The following ZNF311 variants were observed in gnomAD, a reference collection of about 807,000 sequenced individuals.
The protein encoded by ZNF311 is zinc finger protein zfp31.
In ZNF311, 14 loss-of-function variants were observed where a neutral mutation model predicts 22.7. The ratio of observed to expected loss-of-function variants is 0.62; its 90% CI spans 0.41 to 0.96. The LOEUF (loss-of-function observed/expected upper bound fraction) is 0.96, where lower values mean the gene tolerates loss of function less well. ZNF311 is among the 40% of genes least tolerant of loss of function. The probability of loss-of-function intolerance (pLI) is 0.00; values close to 1 mark genes in which losing one functional copy is unlikely to be tolerated. For missense variants in ZNF311, 731 were observed against 799.0 expected (o/e 0.91, Z 1.03); for synonymous variants, 250 against 275.3 (o/e 0.91, Z 0.91).
intron 6 of ZNF311, 114 bp from the exon 7 acceptor site, chr6:28,996,700 A>T: frequency 8.3e-7 from 1 of 1,201,126 alleles, no homozygotes; most frequent in Non-Finnish European, 1.1e-6. Context: ...AAAAATTACT[A>T]ACGTTGTGGC....
chr6:29,000,673 G>A lies in ZNF311; in HGVS notation c.92-626C>T, dbSNP rs137892898. On this transcript the variant is annotated intron_variant, in intron 3 of 6. Transcript: ENST00000377179. ...CCTAGTACTGAGTTATCCTCCCTAT[G>A]TCAATATAGTATAGCACACAGAGCA... Among the ~76,000 whole-genome samples, 131 of 152,064 alleles carry A rather than the reference G, an allele frequency of 8.6e-4. No individual in the cohort carries two copies. In the South Asian group the frequency reaches 9.3e-3, roughly 11 times the overall value.
Position 28,996,357 on chromosome 6 carries a change from G to C in ZNF311, c.645C>G (p.Cys215Trp). 6.2e-7 allele frequency: 1 copy of C among 1,611,726 alleles called. No individual in the cohort carries two copies. Among genetic ancestry groups the C allele is most frequent in the Non-Finnish European group, 8.5e-7 (1 of 1,179,880 alleles). Residue 215 changes from cysteine (C) to tryptophan (W), a missense_variant, in exon 7 of 7, where the codon TGC becomes TGG. Coordinates refer to ENST00000377179, the MANE Select transcript of ZNF311 (RefSeq NM_001382360.1). ...GCACTTTCTGGTTCTTTCCTTTTTT[G>C]CAGGTCACTTCCTCAGAGCCTTCTT... ...EEKEGSEEVT[C>W]KKGKNQKVLS... is the part of the protein sequence containing the mutation.
chr6:28,996,703 G>T (rs1234213454), intron 6 of ZNF311, 117 bp from the exon 7 acceptor site: 3 of 1,144,986 alleles, frequency 2.6e-6, no homozygotes, highest in Non-Finnish European at 3.6e-6. Flanking sequence ...AATTACTAAC[G>T]TTGTGGCCAA....
In ZNF311 at chr6:28,995,584, C is replaced by T. The variant is rs1779389115; in HGVS notation, c.1418G>A (p.Cys473Tyr). 6.2e-7 allele frequency: 1 copy of T among 1,613,748 alleles called. No homozygotes were observed. The highest frequency in any genetic ancestry group is 8.5e-7 in the Non-Finnish European group (1 of 1,180,034). Reference protein sequence around the residue: ...RIHTEEKRYRCEECGKAFRHN... With the variant: ...RIHTEEKRYRYEECGKAFRHN... ...ACGAAAGGCTTTCCCACACTCCTCA[C>T]ACCTGTAACGTTTCTCTTCAGTGTG... Residue 473 changes from cysteine (C) to tyrosine (Y), a missense_variant, in exon 7 of 7, where the codon TGT (cysteine) becomes TAT (tyrosine). By Grantham distance (194) the Cys-to-Tyr change is radical. Transcript: ENST00000377179. The surrounding 1 kb of genome is among the most constrained non-coding windows in gnomAD (Gnocchi z 4.7).
rs1435184581 is a variant in ZNF311 at position 28,998,857 on chromosome 6, TAA to T, written c.311-21_311-20del. On this transcript the variant is annotated intron_variant, in intron 5 of 6. Transcript: ENST00000377179. ...GGAAATCCTGGTTGCAGAGAAGAAA[TAA>T]GTGTGTAGAGTAACTTATAACTTAA... 5.7e-6 allele frequency: 9 copies of T among 1,574,562 alleles called. No individual in the cohort carries two copies. The African/African-American group carries it at 8.1e-5, about 14-fold the overall frequency.
At chr6:29,002,638 T>A (rs1459465769) in intron 3 of ZNF311, among the ~76,000 whole-genome samples, 1 of 151,498 alleles carries the variant, frequency 6.6e-6, no homozygotes, top group Non-Finnish European at 1.5e-5. Context: ...TTTTTTTTTT[T>A]TAGACAGAGT....
At position 28,996,155 on chromosome 6, in the gene ZNF311, C is replaced by T. The variant is rs756884037; in HGVS notation, c.847G>A (p.Ala283Thr). 1.9e-6 allele frequency: 3 copies of T among 1,613,522 alleles called. No homozygotes were observed. The highest frequency in any genetic ancestry group is 1.7e-6 in the Non-Finnish European group (2 of 1,180,042). Residue 283 changes from alanine (A) to threonine (T), a missense_variant, in exon 7 of 7, where the codon GCA (alanine) becomes ACA (threonine). By Grantham distance (58) the Ala-to-Thr change is moderately conservative. Coordinates refer to ENST00000377179, the MANE Select transcript of ZNF311 (RefSeq NM_001382360.1). The stretch of plus-strand genomic sequence containing the variant: ...GAAAGCTGATTTCTGGTCTTGAATG[C>T]TTTCCCACACTCATTACACACATGG... Reference protein sequence around the residue: ...KPHVCNECGKAFKTRNQLSMH... With the variant: ...KPHVCNECGKTFKTRNQLSMH...
intron 3 of ZNF311, 90 bp downstream of exon 3, chr6:29,003,423 G>T: frequency 1.7e-6 from 2 of 1,143,310 alleles, no homozygotes; most frequent in Non-Finnish European, 2.6e-6. Context: ...ACAGATTTTT[G>T]GGCCCCAGTG....
At chr6:28,998,380 T>C (rs1468454101) in intron 6 of ZNF311, among the ~76,000 whole-genome samples, 1 of 151,892 alleles carries the variant, frequency 6.6e-6, no homozygotes, top group African/African-American at 2.4e-5. Context: ...TTAGTAGAGA[T>C]GGGGTTTCAC....
At chr6:29,001,286 T>C (rs1044187885) in intron 3 of ZNF311, among the ~76,000 whole-genome samples, 5 of 152,234 alleles carry the variant, frequency 3.3e-5, no homozygotes, top group Non-Finnish European at 7.3e-5. Context: ...AATCACCCTT[T>C]GGATTTAGAC....
chr6:29,002,771 A>C (rs910965532), intron 3 of ZNF311, among the ~76,000 whole-genome samples: 2 of 151,866 alleles, frequency 1.3e-5, no homozygotes, highest in African/African-American at 4.8e-5. Flanking sequence ...CAGGTGCATT[A>C]CACCACACCT....
rs562824157 is a variant in ZNF311 at position 29,002,910 on chromosome 6, C to T, written c.91+603G>A. Among the ~76,000 whole-genome samples, 35 of 152,208 alleles carry T rather than the reference C, an allele frequency of 2.3e-4. No homozygotes were observed. In the South Asian group the frequency reaches 6.4e-3, roughly 28 times the overall value. On this transcript the variant is annotated intron_variant, in intron 3 of 6. Transcript: ENST00000377179. Reference sequence around the variant, plus strand: ...TGCTAGGATTACAGGCATAAGTCACCGCACCCGGCCTACCATCAGCTTTTA... The same window carrying T: ...TGCTAGGATTACAGGCATAAGTCACTGCACCCGGCCTACCATCAGCTTTTA...
rs747133160 is a variant in ZNF311, at chr6:28,999,241, C to T, written c.310+246G>A. ...ATGAGAGGCTTGAGGAAGCAAGAAC[C>T]CAGGGAAAACAGAAGGTAAATGTCT... is the stretch of plus-strand genomic sequence containing the variant. On this transcript the variant is annotated intron_variant, in intron 5 of 6. Coordinates refer to ENST00000377179, the MANE Select transcript of ZNF311 (RefSeq NM_001382360.1). Among the ~76,000 whole-genome samples the T allele has an allele frequency of 2.1e-4, 32 of 151,912 alleles. 1 individual carries two copies. Among genetic ancestry groups the T allele is most frequent in the Middle Eastern group, 3.4e-3 (1 of 294 alleles).
rs762331387 is a variant in ZNF311, at chr6:28,999,507, T to A, written c.290A>T (p.Tyr97Phe). The change falls in exon 5 of 7, where the codon TAT (tyrosine) becomes TTT (phenylalanine). Residue 97 changes from tyrosine (Y) to phenylalanine (F), a missense_variant. Coordinates refer to ENST00000377179, the MANE Select transcript of ZNF311 (RefSeq NM_001382360.1). ...CTTACCAAGTGATACCATGTTCCCA[T>A]AATTTTCCAACATCACATCCTTATA... ...HLYKDVMLEN[Y>F]GNMVSLGFPF... 1.2e-5 allele frequency: 20 copies of A among 1,611,060 alleles called. No individual in the cohort carries two copies. The highest frequency in any genetic ancestry group is 1.7e-5 in the Non-Finnish European group (20 of 1,179,200).
chr6:29,003,900 C>T, intron 2 of ZNF311, 46 bp downstream of exon 2: 1 of 1,612,836 alleles, frequency 6.2e-7, no homozygotes, highest in African/African-American at 1.3e-5. Context: ...GGACTCACTT[C>T]TCCTTCTTCC....
rs1444213928 is a variant in ZNF311 at position 28,995,878 on chromosome 6, G to A, written c.1124C>T (p.Thr375Ile). 1.9e-6 allele frequency: 3 copies of A among 1,613,954 alleles called. No homozygotes were observed. The highest frequency in any genetic ancestry group is 2.5e-6 in the Non-Finnish European group (3 of 1,180,022). The change falls in exon 7 of 7, where the codon ACC becomes ATC. Residue 375 changes from threonine to isoleucine, a missense_variant. Thr to Ile is a moderately conservative substitution (Grantham distance 89, BLOSUM62 -1). Coordinates refer to ENST00000377179, the MANE Select transcript of ZNF311 (RefSeq NM_001382360.1). The surrounding 1 kb of genome is among the most constrained non-coding windows in gnomAD (Gnocchi z 4.7). ...GKAFQFKHSL[T>I]IHGRIHTGEK... ...CCCAGTGTGGATTCTGCCATGGATGGTAAGGGAATGCTTAAACTGGAAGGC... is the reference window on the plus strand; with the variant it reads ...CCCAGTGTGGATTCTGCCATGGATGATAAGGGAATGCTTAAACTGGAAGGC...
Position 28,996,019 on chromosome 6 carries a change from T to C in ZNF311, c.983A>G (p.Glu328Gly). The C allele has an allele frequency of 6.2e-7, 1 of 1,613,600 alleles. No homozygotes were observed. The highest frequency in any genetic ancestry group is 8.5e-7 in the Non-Finnish European group (1 of 1,180,038). The change falls in exon 7 of 7, where the codon GAG becomes GGG. Residue 328 changes from glutamate (E) to glycine (G), a missense_variant. Physicochemically the swap from Glu to Gly is moderately conservative, Grantham distance 98. Coordinates refer to ENST00000377179, the MANE Select transcript of ZNF311 (RefSeq NM_001382360.1). ...ACAGTCCCTGCACTCGTGAGGCTTC[T>C]CCCCACTGTGGGTTTTTTTATGTCG... is the stretch of plus-strand genomic sequence containing the variant. ...LCRHKKTHSG[E>G]KPHECRDCGK...
At chr6:29,004,784 T>C (rs1394341694) in intron 1 of ZNF311, among the ~76,000 whole-genome samples, 1 of 152,176 alleles carries the variant, frequency 6.6e-6, no homozygotes, top group Non-Finnish European at 1.5e-5. Context: ...CAACACCTTC[T>C]ACTCTTCTCC....
intron 6 of ZNF311, among the ~76,000 whole-genome samples, chr6:28,997,304 A>G (rs1172218267): frequency 2.0e-5 from 3 of 152,218 alleles, no homozygotes; most frequent in Non-Finnish European, 4.4e-5. Context: ...ACAAAGAAGC[A>G]GGGAATACAG....
Sources: allele counts gnomAD v4.1 joint callset (sites outside exome capture counted in the v4.1 genomes callset), GRCh38; gene constraint gnomAD v4.1.1; non-coding constraint Gnocchi (gnomAD v3.1); transcripts MANE v1.5; gene names NCBI Gene and HGNC (gene_info 2026-07-23, HGNC 2026-07-21).